The following CSMD1 variants were observed in gnomAD, a reference collection of about 807,000 sequenced individuals.
CSMD1 encodes the protein CUB and Sushi multiple domains 1.
CSMD1 carries 213 observed loss-of-function variants against 417.5 expected under a neutral mutation model. The observed-to-expected ratio is 0.51, with a 90% CI of 0.46 to 0.57. The LOEUF is 0.57. CSMD1 is among the 20% of genes least tolerant of loss of function. CSMD1 has a pLI of 0.00. For synonymous variants in CSMD1, 2,862 were observed against 1,736.8 expected (o/e 1.65, Z -16.11); for missense variants, 6,923 against 4,529.7 (o/e 1.53, Z -15.17).
intron 1 of CSMD1, among the ~76,000 whole-genome samples, chr8:4,711,617 G>T (rs1356537437): frequency 6.6e-6 from 1 of 152,046 alleles, no homozygotes; most frequent in Non-Finnish European, 1.5e-5. Flanking sequence ...GTCTGTAAGA[G>T]AATTATTTTT....
chr8:3,530,609 C>A (rs925062700), intron 10 of CSMD1, among the ~76,000 whole-genome samples: 3 of 152,154 alleles, frequency 2.0e-5, no homozygotes, highest in Admixed American at 6.5e-5. Flanking sequence ...GCAACCTCTG[C>A]CTTCTGGGTT....
intron 3 of CSMD1, among the ~76,000 whole-genome samples, chr8:4,094,222 G>A (rs1800879323): frequency 2.0e-5 from 3 of 152,064 alleles, no homozygotes; most frequent in South Asian, 4.1e-4. Flanking sequence ...TGCACTAGCT[G>A]CCCTCGTAAC....
At chr8:4,067,323 C>G (rs79939560) in intron 3 of CSMD1, among the ~76,000 whole-genome samples, 1 of 152,030 alleles carries the variant, frequency 6.6e-6, no homozygotes, top group Admixed American at 6.5e-5. Flanking sequence ...CGTTAAGTAA[C>G]GTTTTCAAGT....
intron 5 of CSMD1, among the ~76,000 whole-genome samples, chr8:3,778,836 C>A (rs760614271): frequency 9.2e-5 from 14 of 152,130 alleles, no homozygotes; most frequent in Non-Finnish European, 1.9e-4. Context: ...GTTTATTATT[C>A]CTCATTGAAT....
intron 23 of CSMD1, among the ~76,000 whole-genome samples, chr8:3,315,094 C>T (rs1203292878): frequency 1.3e-5 from 2 of 152,138 alleles, no homozygotes; most frequent in Non-Finnish European, 2.9e-5. Context: ...GTTAATTTTA[C>T]CTAAGACATT....
At chr8:3,065,150 T>C (rs1301512253) in intron 49 of CSMD1, among the ~76,000 whole-genome samples, 1 of 152,072 alleles carries the variant, frequency 6.6e-6, no homozygotes, top group Non-Finnish European at 1.5e-5. Context: ...AATAAGCAAA[T>C]AATGTGTCTA....
At chr8:4,363,653 G>A (rs545902970) in intron 3 of CSMD1, among the ~76,000 whole-genome samples, 141 of 152,290 alleles carry the variant, frequency 9.3e-4, no homozygotes, top group African/African-American at 3.4e-3. Context: ...ACAACTGGCA[G>A]GCAGCCTTTA....
At chr8:4,459,539 G>C (rs1265564244) in intron 2 of CSMD1, among the ~76,000 whole-genome samples, 1 of 152,200 alleles carries the variant, frequency 6.6e-6, no homozygotes, top group East Asian at 1.9e-4. Flanking sequence ...ATTTAGAGGA[G>C]CCTGGTGCTT....
At position 3,795,148 on chromosome 8, in the gene CSMD1, A is replaced by C. The variant is rs1490041151; in HGVS notation, c.819-41106T>G. ...TCATGTACAGCTATAGATATCTATC[A>C]TGTACAGCTATAGATACCTATCATG... On this transcript the variant is annotated intron_variant, in intron 5 of 69. Coordinates refer to ENST00000635120, the MANE Select transcript of CSMD1 (RefSeq NM_033225.6). 3.5e-5 allele frequency among the ~76,000 whole-genome samples: 2 copies of C among 56,564 alleles called. 1 individual carries two copies. Among genetic ancestry groups the C allele is most frequent in the East Asian group, 1.1e-3 (2 of 1,772 alleles). 37.1% of individuals were successfully genotyped at this position (56,564 alleles called of 152,430 possible).
chr8:3,218,635 G>A (rs190043698), intron 29 of CSMD1, among the ~76,000 whole-genome samples: 1 of 151,752 alleles, frequency 6.6e-6, no homozygotes, highest in Non-Finnish European at 1.5e-5. Context: ...ACTTTGGGAG[G>A]CCGAGGCAGG....
intron 2 of CSMD1, among the ~76,000 whole-genome samples, chr8:4,590,390 C>T (rs1372449888): frequency 6.6e-6 from 1 of 152,136 alleles, no homozygotes; most frequent in African/African-American, 2.4e-5. Context: ...TGCGAAGATA[C>T]TGAAAGGACT....
intron 3 of CSMD1, among the ~76,000 whole-genome samples, chr8:4,364,280 C>A (rs368965580): frequency 6.6e-6 from 1 of 152,172 alleles, no homozygotes; most frequent in Non-Finnish European, 1.5e-5. Flanking sequence ...TTACAACTTT[C>A]TTTAAGCCAA....
At chr8:3,496,940 G>A (rs752175033) in intron 10 of CSMD1, among the ~76,000 whole-genome samples, 10 of 152,184 alleles carry the variant, frequency 6.6e-5, no homozygotes, top group East Asian at 1.9e-4. Flanking sequence ...CCATGTATTC[G>A]TACAATTTTG....
chr8:4,280,213 A>G (rs1368895336), intron 3 of CSMD1, among the ~76,000 whole-genome samples: 1 of 152,258 alleles, frequency 6.6e-6, no homozygotes, highest in African/African-American at 2.4e-5. Context: ...TAGGCCAATC[A>G]AAGGTTACTT....
intron 5 of CSMD1, among the ~76,000 whole-genome samples, chr8:3,792,509 T>G (rs1034554821): frequency 6.6e-6 from 1 of 152,178 alleles, no homozygotes; most frequent in Admixed American, 6.5e-5. Context: ...ACTCGCTGAT[T>G]ACTGTCAATT....
chr8:4,093,920 A>G (rs1203107681), intron 3 of CSMD1, among the ~76,000 whole-genome samples: 1 of 152,122 alleles, frequency 6.6e-6, no homozygotes, highest in African/African-American at 2.4e-5. Flanking sequence ...AGATTGCGCC[A>G]TTACGCTCCA....
intron 39 of CSMD1, among the ~76,000 whole-genome samples, chr8:3,153,486 C>T (rs991124436): frequency 6.6e-6 from 1 of 152,080 alleles, no homozygotes; most frequent in Admixed American, 6.5e-5. Context: ...GGATCACAAC[C>T]CCTTTCCTGT....
chr8:4,290,904 C>T (rs1421081511), intron 3 of CSMD1, among the ~76,000 whole-genome samples: 4 of 152,084 alleles, frequency 2.6e-5, no homozygotes, highest in South Asian at 2.1e-4. Flanking sequence ...TCTGTAATTC[C>T]GCCAGTTCAC....
At chr8:3,550,605 C>G (rs1257319552) in intron 10 of CSMD1, among the ~76,000 whole-genome samples, 2 of 152,190 alleles carry the variant, frequency 1.3e-5, no homozygotes, top group Non-Finnish European at 2.9e-5. Context: ...CTTTCTCTGA[C>G]CTCATCAGTC....
Sources: allele counts gnomAD v4.1 joint callset (sites outside exome capture counted in the v4.1 genomes callset), GRCh38; gene constraint gnomAD v4.1.1; transcripts MANE v1.5; gene names NCBI Gene and HGNC (gene_info 2026-07-23, HGNC 2026-07-21).